EYS: variants seen among roughly 807,000 people sequenced by gnomAD.
EYS encodes protein eyes shut homolog.
A neutral mutation model predicts 282.1 loss-of-function variants in EYS; 250 were observed. The ratio of observed to expected loss-of-function variants is 0.89; its 90% CI spans 0.80 to 0.98. The LOEUF is 0.98. Ranked by LOEUF, EYS falls within the 50% of genes least tolerant of loss-of-function variation. The pLI is 0.00. For missense variants in EYS, 4,016 were observed against 3,709.0 expected, an observed-to-expected ratio of 1.08 and a Z score of -2.15; for synonymous variants, 1,355 against 1,282.9, an observed-to-expected ratio of 1.06 and a Z score of -1.20.
In EYS at chr6:63,789,144, C is replaced by T. The variant is rs1311193836; in HGVS notation, c.7492G>A (p.Ala2498Thr). ...TTGAGGGGCTCGCTCCTGATGCTTG[C>T]TATGCCAGACCCCAGGTTATAACTA... is the stretch of plus-strand genomic sequence containing the variant. ...VYSYNLGSGI[A>T]SIRSEPLNLS... is the part of the protein sequence containing the mutation. The change falls in exon 38 of 43, where the codon GCA (alanine) becomes ACA (threonine). Residue 2498 changes from alanine (A) to threonine (T), a missense_variant. Coordinates refer to ENST00000503581, the MANE Select transcript of EYS (RefSeq NM_001142800.2). 1 of 1,551,756 alleles carries T rather than the reference C, an allele frequency of 6.4e-7. No homozygotes were observed. The highest frequency in any genetic ancestry group is 1.2e-5 in the South Asian group (1 of 84,062).
At chr6:64,300,521 G>A (rs1215247249) in intron 30 of EYS, among the ~76,000 whole-genome samples, 1 of 152,140 alleles carries the variant, frequency 6.6e-6, no homozygotes, top group Non-Finnish European at 1.5e-5. Flanking sequence ...TCCCATTTAA[G>A]TAAAACAGTA....
chr6:65,042,222 T>A (rs1772958992), intron 13 of EYS, among the ~76,000 whole-genome samples: 1 of 151,566 alleles, frequency 6.6e-6, no homozygotes, highest in Non-Finnish European at 1.5e-5. Flanking sequence ...TATATCTGTC[T>A]TTCTTGCAAC....
chr6:64,371,149 T>C (rs1429361153), intron 29 of EYS, among the ~76,000 whole-genome samples: 2 of 152,124 alleles, frequency 1.3e-5, no homozygotes, highest in African/African-American at 4.8e-5. Context: ...GATGTAAGTG[T>C]TTAGTGCTAT....
At chr6:63,813,939 T>C (rs1771113828) in intron 36 of EYS, among the ~76,000 whole-genome samples, 3 of 152,224 alleles carry the variant, frequency 2.0e-5, no homozygotes, top group Non-Finnish European at 4.4e-5. Context: ...CTTAGGCAGA[T>C]GGATAAATTT....
intron 12 of EYS, among the ~76,000 whole-genome samples, chr6:65,209,209 A>G (rs2150250893): frequency 6.6e-6 from 1 of 151,864 alleles, no homozygotes; most frequent in Non-Finnish European, 1.5e-5. Context: ...GGAATAAATC[A>G]GGTAGTAAAA....
rs1349882060 is a variant in EYS, at chr6:64,822,716, C to A, written c.3099G>T (p.Gly1033=). Residue 1033 remains glycine, a synonymous_variant, in exon 20 of 43, where the codon GGG becomes GGT. Transcript: ENST00000503581. ...INHYTCDCKS[G]FFGTHCETNA... is the part of the protein sequence containing the mutation. ...TTGTTTCACAGTGTGTTCCAAAAAA[C>A]CCACTCTTGCAGTCACAGGTATAAT... 2 of 1,549,166 alleles carry A rather than the reference C, an allele frequency of 1.3e-6. No individual in the cohort carries two copies. The highest frequency in any genetic ancestry group is 4.9e-5 in the East Asian group (2 of 40,798).
Position 65,011,464 on chromosome 6 carries a change from A to G in EYS, c.2138-13761T>C, listed in dbSNP as rs183138418. ...GCAGTCCATGACTAAGGTCTACCGCAGACCCCTGGACTGACCAGCTAGCCC... is the reference window on the plus strand; with the variant it reads ...GCAGTCCATGACTAAGGTCTACCGCGGACCCCTGGACTGACCAGCTAGCCC... On this transcript the variant is annotated intron_variant, in intron 13 of 42. Transcript: ENST00000503581. 5.9e-5 allele frequency among the ~76,000 whole-genome samples: 9 copies of G among 152,324 alleles called. 1 individual carries two copies. Among genetic ancestry groups the G allele is most frequent in the African/African-American group, 2.2e-4 (9 of 41,578 alleles).
Position 63,790,900 on chromosome 6 carries a change from G to A in EYS, c.7412-1676C>T, listed in dbSNP as rs541094155. Among the ~76,000 whole-genome samples, 9 of 152,112 alleles carry A rather than the reference G, an allele frequency of 5.9e-5. No homozygotes were observed. The South Asian group carries it at 1.9e-3, about 32-fold the overall frequency. On this transcript the variant is annotated intron_variant, in intron 37 of 42. Coordinates refer to ENST00000503581, the MANE Select transcript of EYS (RefSeq NM_001142800.2). ...CAGCCGAGCTGTAAGGTAGTGGGAG[G>A]GCATATTCATTTCAGCTGTATCCTT... is the stretch of plus-strand genomic sequence containing the variant.
intron 26 of EYS, among the ~76,000 whole-genome samples, chr6:64,539,984 G>C (rs549922330): frequency 1.3e-4 from 20 of 152,238 alleles, no homozygotes; most frequent in African/African-American, 4.8e-4. Context: ...TTGTTGAAAA[G>C]TTTCCTCCTA....
intron 31 of EYS, among the ~76,000 whole-genome samples, chr6:64,165,509 A>C (rs975189239): frequency 7.9e-5 from 12 of 152,108 alleles, no homozygotes; most frequent in African/African-American, 2.9e-4. Flanking sequence ...GGTGGTTTAG[A>C]ATTTGGAAAA....
At chr6:65,330,597 C>T in intron 11 of EYS, 8 of 964,370 alleles carry the variant, frequency 8.3e-6, no homozygotes, top group Non-Finnish European at 9.9e-6. Context: ...GAATTTTAAT[C>T]TGCACCCATT....
chr6:64,912,599 A>G lies in EYS; in HGVS notation c.2526T>C (p.Thr842=). 6.4e-7 allele frequency: 1 copy of G among 1,551,320 alleles called. No homozygotes were observed. Among genetic ancestry groups the G allele is most frequent in the South Asian group, 1.2e-5 (1 of 84,042 alleles). ...QFVCLCPPLY[T]GQFCHQRYNL... is the part of the protein sequence containing the mutation. ...TATAGCGTTGGTGGCAAAATTGTCC[A>G]GTATAAAGGGGTGGGCACAGACATA... is the stretch of plus-strand genomic sequence containing the variant. The change falls in exon 16 of 43, where the codon ACT becomes ACC. Residue 842 remains threonine (T), a synonymous_variant. Coordinates refer to ENST00000503581, the MANE Select transcript of EYS (RefSeq NM_001142800.2).
chr6:64,090,324 A>C (rs80049655), intron 31 of EYS, among the ~76,000 whole-genome samples: 9,758 of 152,228 alleles, frequency 0.064, 399 homozygotes, highest in African/African-American at 0.12. Flanking sequence ...ACATAGATAG[A>C]GCCTGACTTA....
intron 26 of EYS, among the ~76,000 whole-genome samples, chr6:64,451,166 A>T (rs1339231451): frequency 6.6e-6 from 1 of 152,212 alleles, no homozygotes; most frequent in South Asian, 2.1e-4. Flanking sequence ...TAAAAAAATG[A>T]CAAAGGGGAT....
intron 14 of EYS, among the ~76,000 whole-genome samples, chr6:64,983,746 TAA>T (rs759383512): frequency 1.3e-5 from 2 of 151,300 alleles, no homozygotes; most frequent in African/African-American, 2.4e-5. Flanking sequence ...TTTTTTCTGC[TAA>T]GTTTTAAGAC....
At chr6:65,364,127 G>A (rs960818222) in intron 8 of EYS, among the ~76,000 whole-genome samples, 9 of 148,804 alleles carry the variant, frequency 6.0e-5, no homozygotes, top group African/African-American at 1.9e-4. Context: ...TCCCTTATAT[G>A]TAAATTATTA....
chr6:64,802,091 T>C (rs1460965274), intron 22 of EYS, among the ~76,000 whole-genome samples: 4 of 140,850 alleles, frequency 2.8e-5, no homozygotes, highest in South Asian at 2.4e-4. Flanking sequence ...TGGAGTGCAG[T>C]AGCGCGATCT....
At chr6:63,907,765 C>T (rs1408228653) in intron 35 of EYS, among the ~76,000 whole-genome samples, 1 of 151,854 alleles carries the variant, frequency 6.6e-6, no homozygotes. Flanking sequence ...CTCTTACTCC[C>T]CTCTTACCTT....
intron 18 of EYS, among the ~76,000 whole-genome samples, chr6:64,900,676 A>G (rs1377457141): frequency 3.3e-5 from 5 of 152,186 alleles, no homozygotes; most frequent in Non-Finnish European, 4.4e-5. Flanking sequence ...CAAAACCACA[A>G]TGAGATGCCA....
Sources: allele counts gnomAD v4.1 joint callset (sites outside exome capture counted in the v4.1 genomes callset), GRCh38; gene constraint gnomAD v4.1.1; transcripts MANE v1.5; gene names NCBI Gene and HGNC (gene_info 2026-07-23, HGNC 2026-07-21).